The following FHOD3 variants were observed in gnomAD, a reference collection of about 807,000 sequenced individuals.
The protein encoded by FHOD3 is formin homology 2 domain containing 3, also known as FH1/FH2 domain-containing protein 3.
FHOD3 carries 90 observed loss-of-function variants against 173.0 expected under a neutral mutation model. That is an observed-to-expected ratio of 0.52 (90% CI 0.44 to 0.62). The LOEUF (loss-of-function observed/expected upper bound fraction) is 0.62. FHOD3 is among the 20% of genes least tolerant of loss of function. The pLI, the probability that FHOD3 is intolerant of heterozygous loss-of-function variation, is 0.00. For missense variants in FHOD3, 1,945 were observed against 2,034.7 expected (o/e 0.96, Z 0.85); for synonymous variants, 828 against 823.0 (o/e 1.01, Z -0.10).
At chr18:36,568,031 G>C (rs894064826) in intron 5 of FHOD3, among the ~76,000 whole-genome samples, 2 of 151,730 alleles carry the variant, frequency 1.3e-5, no homozygotes, top group East Asian at 3.9e-4. Context: ...GGACTAAGAA[G>C]GGGGAGCCTC....
intron 17 of FHOD3, among the ~76,000 whole-genome samples, chr18:36,701,698 G>T (rs1317028926): frequency 2.0e-5 from 3 of 152,190 alleles, no homozygotes; most frequent in African/African-American, 7.2e-5. Context: ...AGAGTTTACA[G>T]ATTTGTATTT....
intron 20 of FHOD3, 40 bp from the exon 21 acceptor site, chr18:36,740,616 T>C: frequency 6.5e-7 from 1 of 1,528,404 alleles, no homozygotes; most frequent in Non-Finnish European, 8.9e-7. Flanking sequence ...GGAGGGTCCA[T>C]CACTAAGAGA....
At chr18:36,530,071 A>G (rs1249126261) in intron 5 of FHOD3, among the ~76,000 whole-genome samples, 1 of 152,174 alleles carries the variant, frequency 6.6e-6, no homozygotes, top group Non-Finnish European at 1.5e-5. Context: ...GGATACATTT[A>G]CATTCGAGGT....
chr18:36,473,336 C>T (rs2053386545), intron 3 of FHOD3, among the ~76,000 whole-genome samples: 1 of 152,230 alleles, frequency 6.6e-6, no homozygotes, highest in Non-Finnish European at 1.5e-5. Flanking sequence ...ATTGCTTGAA[C>T]CCAGGAGGTG....
At chr18:36,547,244 C>T (rs755504286) in intron 5 of FHOD3, among the ~76,000 whole-genome samples, 2 of 152,148 alleles carry the variant, frequency 1.3e-5, no homozygotes, top group Non-Finnish European at 2.9e-5. Flanking sequence ...TTCCCAGGTT[C>T]GAGGCACTGA....
chr18:36,313,648 C>A (rs1039198661), intron 1 of FHOD3, among the ~76,000 whole-genome samples: 6 of 152,128 alleles, frequency 3.9e-5, no homozygotes, highest in Non-Finnish European at 8.8e-5. Flanking sequence ...TATGGATATC[C>A]CACAGTTTGT....
intron 3 of FHOD3, among the ~76,000 whole-genome samples, chr18:36,374,176 C>T (rs2146126699): frequency 6.6e-6 from 1 of 152,296 alleles, no homozygotes. Context: ...TCAAATATTT[C>T]AGGTACAGGA....
chr18:36,363,102 A>G (rs2046714681), intron 2 of FHOD3, among the ~76,000 whole-genome samples: 1 of 152,238 alleles, frequency 6.6e-6, no homozygotes, highest in Non-Finnish European at 1.5e-5. Context: ...AGATACCACT[A>G]CACACCCCTT....
At chr18:36,451,944 C>A (rs1450019573) in intron 3 of FHOD3, among the ~76,000 whole-genome samples, 1 of 152,138 alleles carries the variant, frequency 6.6e-6, no homozygotes, top group African/African-American at 2.4e-5. Flanking sequence ...TCCCCCAGTT[C>A]CTTTTCCTGC....
intron 3 of FHOD3, among the ~76,000 whole-genome samples, chr18:36,478,845 C>T (rs150652840): frequency 6.6e-6 from 1 of 152,184 alleles, no homozygotes; most frequent in South Asian, 2.1e-4. Flanking sequence ...ACCTCCACCC[C>T]CTGACTCCTT....
chr18:36,341,492 T>G (rs770002585), intron 1 of FHOD3, among the ~76,000 whole-genome samples: 3 of 152,180 alleles, frequency 2.0e-5, no homozygotes, highest in Non-Finnish European at 2.9e-5. Context: ...ATTTACCTGT[T>G]CATGAGCGGC....
intron 14 of FHOD3, among the ~76,000 whole-genome samples, chr18:36,663,290 G>A (rs16968137): frequency 0.1 from 15,915 of 152,152 alleles, 1,763 homozygotes; most frequent in African/African-American, 0.27. Context: ...TTTCCCTACC[G>A]TGTGTCAGAT....
intron 3 of FHOD3, among the ~76,000 whole-genome samples, chr18:36,414,441 C>T (rs2049519686): frequency 6.6e-6 from 1 of 152,132 alleles, no homozygotes; most frequent in Admixed American, 6.5e-5. Flanking sequence ...CATTTCCATC[C>T]ATTATTACAT....
At chr18:36,507,706 C>T (rs1055499424) in intron 4 of FHOD3, among the ~76,000 whole-genome samples, 12 of 152,152 alleles carry the variant, frequency 7.9e-5, no homozygotes, top group Non-Finnish European at 1.3e-4. Flanking sequence ...AATTAATTTT[C>T]CCAAAGCTCC....
At chr18:36,620,487 C>T (rs2033618872) in intron 9 of FHOD3, among the ~76,000 whole-genome samples, 1 of 152,168 alleles carries the variant, frequency 6.6e-6, no homozygotes, top group South Asian at 2.1e-4. Flanking sequence ...GTGTCCACAC[C>T]TCTGATTTAA....
intron 1 of FHOD3, among the ~76,000 whole-genome samples, chr18:36,352,496 G>A (rs2046176813): frequency 6.6e-6 from 1 of 152,272 alleles, no homozygotes; most frequent in East Asian, 1.9e-4. Flanking sequence ...CATGCTCAGC[G>A]ACTGTGCATT....
At chr18:36,322,519 A>T (rs2044450803) in intron 1 of FHOD3, among the ~76,000 whole-genome samples, 1 of 152,130 alleles carries the variant, frequency 6.6e-6, no homozygotes, top group South Asian at 2.1e-4. Flanking sequence ...CTGTGGACCC[A>T]AAAGAAAGAG....
chr18:36,370,665 C>T (rs1285792036), intron 2 of FHOD3, among the ~76,000 whole-genome samples: 1 of 152,220 alleles, frequency 6.6e-6, no homozygotes, highest in East Asian at 1.9e-4. Flanking sequence ...CATGCTTTTT[C>T]TCTCTCTGGG....
At chr18:36,561,919 A>C (rs1170176119) in intron 5 of FHOD3, among the ~76,000 whole-genome samples, 1 of 152,142 alleles carries the variant, frequency 6.6e-6, no homozygotes, top group Non-Finnish European at 1.5e-5. Flanking sequence ...CCAAGAATTT[A>C]GGTTTCGCTA....
Sources: allele counts gnomAD v4.1 joint callset (sites outside exome capture counted in the v4.1 genomes callset), GRCh38; gene constraint gnomAD v4.1.1; transcripts MANE v1.5; gene names NCBI Gene and HGNC (gene_info 2026-07-23, HGNC 2026-07-21).